The following C8orf89 variants were observed in gnomAD, a reference collection of about 807,000 sequenced individuals.
C8orf89 encodes the protein putative uncharacterized protein C8orf89.
A neutral mutation model predicts 15.8 loss-of-function variants in C8orf89; 14 were observed. That is an observed-to-expected ratio of 0.89 (90% confidence interval 0.59 to 1.39). The LOEUF is 1.39. Among genes scored for constraint, C8orf89 ranks in the 40% most tolerant of loss-of-function variants. The probability of loss-of-function intolerance (pLI) is 0.00; values close to 1 mark genes in which losing one functional copy is unlikely to be tolerated. For synonymous variants in C8orf89, 55 were observed against 62.2 expected (o/e 0.88, Z 0.54); for missense variants, 181 against 184.5 (o/e 0.98, Z 0.11).
intron 3 of C8orf89, among the ~76,000 whole-genome samples, chr8:73,247,195 C>T (rs927974136): frequency 3.9e-5 from 6 of 151,948 alleles, no homozygotes; most frequent in Non-Finnish European, 8.8e-5. Context: ...CCACCTCCCA[C>T]CCTCCACACC....
chr8:73,248,303 C>A (rs1340465124), intron 3 of C8orf89, among the ~76,000 whole-genome samples: 1 of 152,086 alleles, frequency 6.6e-6, no homozygotes, highest in South Asian at 2.1e-4. Flanking sequence ...ATCTATGTGT[C>A]TGTTTTTGTA....
At chr8:73,260,398 AG>A (rs1192914917), upstream of C8orf89, among the ~76,000 whole-genome samples, 1 of 148,292 alleles carries the variant, frequency 6.7e-6, no homozygotes, top group Non-Finnish European at 1.5e-5. Context: ...GGGGTGGGGG[AG>A]GGGGCAGGGA....
At chr8:73,283,750 T>A in the C8orf89 span, among the ~76,000 whole-genome samples, 1 of 152,130 alleles carries the variant, frequency 6.6e-6, no homozygotes, top group East Asian at 1.9e-4. Flanking sequence ...TGTAAGAATG[T>A]CTATTGTGGC....
At chr8:73,283,170 G>A in the C8orf89 span, among the ~76,000 whole-genome samples, 5 of 152,184 alleles carry the variant, frequency 3.3e-5, no homozygotes, top group African/African-American at 4.8e-5. Context: ...AAGAAGAAAA[G>A]GCAGAGAAGG....
At chr8:73,272,436 T>C in the C8orf89 span, among the ~76,000 whole-genome samples, 1 of 152,122 alleles carries the variant, frequency 6.6e-6, no homozygotes, top group Non-Finnish European at 1.5e-5. Context: ...ATCAGCCCAC[T>C]TAATTCTTTT....
chr8:73,267,754 A>C, the C8orf89 span, among the ~76,000 whole-genome samples: 1 of 152,196 alleles, frequency 6.6e-6, no homozygotes, highest in Middle Eastern at 3.2e-3. Flanking sequence ...TTGTAGATGT[A>C]GTTACCACGT....
the C8orf89 span, among the ~76,000 whole-genome samples, chr8:73,285,214 C>A: frequency 2.0e-5 from 3 of 152,178 alleles, no homozygotes; most frequent in African/African-American, 2.4e-5. Flanking sequence ...ACGTTCCCCC[C>A]ACTCCAGTTT....
chr8:73,284,080 G>A, the C8orf89 span, among the ~76,000 whole-genome samples: 2 of 151,486 alleles, frequency 1.3e-5, no homozygotes, highest in Non-Finnish European at 2.9e-5. Flanking sequence ...GCCTATTGTT[G>A]CATTGTTTGT....
At chr8:73,272,295 C>T in the C8orf89 span, among the ~76,000 whole-genome samples, 1 of 152,068 alleles carries the variant, frequency 6.6e-6, no homozygotes. Context: ...GGAAAATTGT[C>T]CATTTCTATG....
upstream of C8orf89, among the ~76,000 whole-genome samples, chr8:73,262,452 T>C (rs953979303): frequency 1.3e-5 from 2 of 152,176 alleles, no homozygotes; most frequent in African/African-American, 4.8e-5. Flanking sequence ...TAAATACACA[T>C]TCATTATACT....
chr8:73,254,918 T>G (rs562403943), intron 2 of C8orf89, among the ~76,000 whole-genome samples: 13 of 152,276 alleles, frequency 8.5e-5, no homozygotes, highest in African/African-American at 3.1e-4. Flanking sequence ...TAGCCATATG[T>G]AGAAAGCTGA....
At chr8:73,285,206 G>A in the C8orf89 span, among the ~76,000 whole-genome samples, 4 of 152,210 alleles carry the variant, frequency 2.6e-5, no homozygotes, top group South Asian at 2.1e-4. Context: ...AAGTAAACAC[G>A]TTCCCCCCAC....
the C8orf89 span, among the ~76,000 whole-genome samples, chr8:73,275,568 T>C: frequency 5.8e-4 from 88 of 152,306 alleles, no homozygotes; most frequent in Non-Finnish European, 8.8e-4. Context: ...TGCTAATCTT[T>C]GGATGTTAAA....
At chr8:73,259,929 G>C (rs929092954), upstream of C8orf89, among the ~76,000 whole-genome samples, 1 of 152,128 alleles carries the variant, frequency 6.6e-6, no homozygotes, top group African/African-American at 2.4e-5. Flanking sequence ...CATCCAAAGA[G>C]TACAACCATG....
intron 2 of C8orf89, among the ~76,000 whole-genome samples, chr8:73,253,800 T>C (rs1019193820): frequency 1.0e-4 from 15 of 149,730 alleles, no homozygotes; most frequent in Non-Finnish European, 1.9e-4. Flanking sequence ...GAGACTTTGC[T>C]GAAGTTGCTT....
intron 2 of C8orf89, among the ~76,000 whole-genome samples, chr8:73,256,725 T>TAAAAA (rs1813395419): frequency 7.7e-5 from 3 of 39,110 alleles, no homozygotes; most frequent in Admixed American, 3.7e-4. Flanking sequence ...AGACTCTGTC[T>TAAAAA]CAAAAAAAAA....
intron 3 of C8orf89, among the ~76,000 whole-genome samples, chr8:73,249,409 G>A (rs28498680): frequency 0.025 from 3,836 of 152,008 alleles, 144 homozygotes; most frequent in African/African-American, 0.081. Context: ...TGCATATTTC[G>A]GTATCAGGAT....
the C8orf89 span, among the ~76,000 whole-genome samples, chr8:73,271,187 T>C: frequency 1.3e-5 from 2 of 152,200 alleles, no homozygotes; most frequent in Non-Finnish European, 2.9e-5. Flanking sequence ...CATTGTGAAG[T>C]TTAAAGGTAA....
chr8:73,247,149 G>T (rs1170553255), intron 3 of C8orf89, among the ~76,000 whole-genome samples: 2 of 152,112 alleles, frequency 1.3e-5, no homozygotes, highest in Non-Finnish European at 2.9e-5. Context: ...TGAGTACTAA[G>T]CCTAGTACCC....
Sources: gnomAD v4.1 joint callset for allele counts (sites outside exome capture counted in the v4.1 genomes callset) on GRCh38, gnomAD v4.1.1 for gene constraint, MANE v1.5 for transcripts, NCBI Gene and HGNC (gene_info 2026-07-23, HGNC 2026-07-21) for gene names.